The following DDC variants were observed in gnomAD, a reference collection of about 807,000 sequenced individuals.
The protein encoded by DDC is aromatic-L-amino-acid decarboxylase.
Under a neutral mutation model 60.0 loss-of-function variants are expected in DDC, and 43 were observed. The ratio of observed to expected loss-of-function variants is 0.72; its 90% CI spans 0.56 to 0.92. The LOEUF (loss-of-function observed/expected upper bound fraction) is 0.92. Ranked by LOEUF, DDC falls within the 40% of genes least tolerant of loss-of-function variation. DDC has a pLI of 0.00. For missense variants in DDC, 573 were observed against 620.2 expected (o/e 0.92, Z 0.81); for synonymous variants, 232 against 234.6 (o/e 0.99, Z 0.10).
chr7:50,467,260 T>G lies in DDC; in HGVS notation c.1196A>C (p.Glu399Ala). 6.2e-7 allele frequency: 1 copy of G among 1,614,150 alleles called. No individual in the cohort carries two copies. Among genetic ancestry groups the G allele is most frequent in the Non-Finnish European group, 8.5e-7 (1 of 1,180,010 alleles). Reference sequence around the variant, plus strand: ...CCCCAGAATGACTTCCACACAGATTTCAAAGCGGGGATCCTGGCGCACCAG... The same window carrying G: ...CCCCAGAATGACTTCCACACAGATTGCAAAGCGGGGATCCTGGCGCACCAG... ...ESLVRQDPRF[E>A]ICVEVILGLV... Residue 399 changes from glutamate to alanine, a missense_variant, in exon 13 of 15, where the codon GAA (glutamate) becomes GCA (alanine). Coordinates refer to ENST00000444124, the MANE Select transcript of DDC (RefSeq NM_001082971.2).
chr7:50,530,399 C>G (rs1332437931), intron 4 of DDC, among the ~76,000 whole-genome samples: 2 of 152,142 alleles, frequency 1.3e-5, no homozygotes, highest in Non-Finnish European at 2.9e-5. Flanking sequence ...CCTGTGGACA[C>G]TTTGATTTTG....
intron 11 of DDC, among the ~76,000 whole-genome samples, chr7:50,473,302 C>T (rs989051665): frequency 6.6e-6 from 1 of 152,250 alleles, no homozygotes; most frequent in Middle Eastern, 3.4e-3. Context: ...GAGGCTGCTC[C>T]CATACTCACA....
At chr7:50,467,363 C>A (rs1025143209) in intron 12 of DDC, 48 bp from the exon 13 acceptor site, 3 of 1,472,142 alleles carry the variant, frequency 2.0e-6, no homozygotes, top group Non-Finnish European at 2.9e-6. Context: ...CCATTTAATT[C>A]AGAACTTAAC....
intron 8 of DDC, 45 bp from the exon 9 acceptor site, chr7:50,495,462 AATGT>A: frequency 4.9e-6 from 7 of 1,442,942 alleles, no homozygotes; most frequent in Non-Finnish European, 6.8e-6. Context: ...TTTCTTTATA[AATGT>A]TTAATTATAA....
At chr7:50,511,601 C>G (rs561628278) in intron 6 of DDC, among the ~76,000 whole-genome samples, 2 of 152,156 alleles carry the variant, frequency 1.3e-5, no homozygotes, top group African/African-American at 4.8e-5. Context: ...TGGTGGCACA[C>G]GCCTGTAGTC....
chr7:50,490,743 G>A (rs7802199), intron 9 of DDC, among the ~76,000 whole-genome samples: 83,530 of 152,094 alleles, frequency 0.55, 23,118 homozygotes, highest in Admixed American at 0.62. Flanking sequence ...TTATGAAAAG[G>A]TTCCAACAAA....
intron 1 of DDC, among the ~76,000 whole-genome samples, chr7:50,557,670 T>C (rs1349645755): frequency 6.6e-6 from 1 of 152,232 alleles, no homozygotes; most frequent in Non-Finnish European, 1.5e-5. Context: ...CTTTGCCTGT[T>C]AGCTGTTTGC....
chr7:50,552,752 G>A (rs1333779116), intron 1 of DDC, among the ~76,000 whole-genome samples: 1 of 152,170 alleles, frequency 6.6e-6, no homozygotes, highest in Non-Finnish European at 1.5e-5. Flanking sequence ...ATGAATGAAT[G>A]ATATTTGGTC....
chr7:50,469,993 GA>G (rs1470888362), intron 12 of DDC, 79 bp downstream of exon 12: 17 of 798,896 alleles, frequency 2.1e-5, no homozygotes, highest in Admixed American at 4.7e-5. Context: ...AAAAAAAAAA[GA>G]AAAAAAATTT....
chr7:50,528,044 G>A (rs1343590558), intron 6 of DDC, 93 bp downstream of exon 6: 10 of 1,421,340 alleles, frequency 7.0e-6, no homozygotes, highest in South Asian at 6.4e-5. Context: ...TTACAAGAAT[G>A]CGCCACCATG....
chr7:50,459,967 TG>T (rs2042225439), intron 14 of DDC, among the ~76,000 whole-genome samples: 1 of 123,912 alleles, frequency 8.1e-6, no homozygotes, highest in African/African-American at 3.3e-5. Context: ...CCGCCCCATC[TG>T]GGAGGTGAGG....
intron 11 of DDC, among the ~76,000 whole-genome samples, chr7:50,475,061 C>T (rs982168171): frequency 2.6e-5 from 4 of 151,926 alleles, no homozygotes; most frequent in East Asian, 1.9e-4. Flanking sequence ...TCTGTACTTA[C>T]TAAGGCTGTG....
intron 4 of DDC, among the ~76,000 whole-genome samples, chr7:50,530,262 T>A (rs542280774): frequency 9.2e-5 from 14 of 151,636 alleles, no homozygotes; most frequent in Admixed American, 3.3e-4. Context: ...CTCAAAAAAA[T>A]AAATAAATAA....
At chr7:50,540,122 A>G in intron 2 of DDC, 94 bp from the exon 3 acceptor site, 1 of 879,178 alleles carries the variant, frequency 1.1e-6, no homozygotes, top group Non-Finnish European at 1.9e-6. Context: ...CCCAGCTGCC[A>G]GATGCAGCCA....
At chr7:50,488,963 T>A (rs538750126) in intron 9 of DDC, among the ~76,000 whole-genome samples, 1 of 152,288 alleles carries the variant, frequency 6.6e-6, no homozygotes, top group African/African-American at 2.4e-5. Flanking sequence ...AAAAAATATA[T>A]CTTAACTTAA....
At chr7:50,514,615 A>T (rs1357899417) in intron 6 of DDC, among the ~76,000 whole-genome samples, 1 of 152,246 alleles carries the variant, frequency 6.6e-6, no homozygotes, top group Non-Finnish European at 1.5e-5. Flanking sequence ...ATATTCAAGG[A>T]AATAGATGCA....
chr7:50,563,097 G>T (rs907192200), intron 1 of DDC, among the ~76,000 whole-genome samples: 2 of 151,710 alleles, frequency 1.3e-5, no homozygotes, highest in African/African-American at 2.4e-5. Context: ...AACTTGAGAG[G>T]TGGAAGTTGC....
intron 12 of DDC, 134 bp from the exon 13 acceptor site, chr7:50,467,449 A>G (rs1402065991): frequency 1.4e-6 from 1 of 733,180 alleles, no homozygotes; most frequent in East Asian, 2.8e-5. Flanking sequence ...AAGTGCTTTT[A>G]CCGTTCACTG....
chr7:50,483,770 G>A (rs1028707788), intron 9 of DDC, among the ~76,000 whole-genome samples: 7 of 152,010 alleles, frequency 4.6e-5, no homozygotes, highest in Non-Finnish European at 7.4e-5. Flanking sequence ...TGGGCATGGC[G>A]GCGGGCACCT....
Sources: allele counts gnomAD v4.1 joint callset (sites outside exome capture counted in the v4.1 genomes callset), GRCh38; gene constraint gnomAD v4.1.1; transcripts MANE v1.5; gene names NCBI Gene and HGNC (gene_info 2026-07-23, HGNC 2026-07-21).